The following KIAA1217 variants were observed in gnomAD, a reference collection of about 807,000 sequenced individuals.
KIAA1217 encodes the protein sickle tail protein homolog.
In KIAA1217, 88 loss-of-function variants were observed where a neutral mutation model predicts 163.9. The observed-to-expected ratio is 0.54, with a 90% CI of 0.45 to 0.64. KIAA1217 has a LOEUF of 0.64. Among genes scored for constraint, KIAA1217 ranks in the 30% least tolerant of loss-of-function variants. The pLI is 0.00. For missense variants in KIAA1217, 2,372 were observed against 2,475.0 expected (o/e 0.96, Z 0.88); for synonymous variants, 903 against 923.1 (o/e 0.98, Z 0.39).
At chr10:23,985,110 C>A (rs138826332) in intron 1 of KIAA1217, among the ~76,000 whole-genome samples, 2 of 152,150 alleles carry the variant, frequency 1.3e-5, no homozygotes, top group African/African-American at 4.8e-5. Flanking sequence ...CAGCTAAAAC[C>A]TTCTCTTAGA....
intron 2 of KIAA1217, among the ~76,000 whole-genome samples, chr10:24,356,901 C>T (rs982673880): frequency 6.6e-6 from 1 of 152,200 alleles, no homozygotes; most frequent in African/African-American, 2.4e-5. Context: ...CCATCTGTGT[C>T]TAAAGCAACT....
intron 2 of KIAA1217, among the ~76,000 whole-genome samples, chr10:24,274,706 C>G (rs1486371593): frequency 2.0e-5 from 3 of 152,036 alleles, no homozygotes; most frequent in African/African-American, 7.2e-5. Flanking sequence ...ACCTTTTTAT[C>G]AACCAATCAA....
At chr10:24,241,008 G>C (rs542860468) in intron 2 of KIAA1217, among the ~76,000 whole-genome samples, 6 of 152,034 alleles carry the variant, frequency 3.9e-5, no homozygotes, top group Non-Finnish European at 7.4e-5. Flanking sequence ...ACTGTGCCAG[G>C]CTAATTTTTT....
chr10:23,803,741 T>G (rs1424054107), intron 1 of KIAA1217, among the ~76,000 whole-genome samples: 1 of 152,224 alleles, frequency 6.6e-6, no homozygotes, highest in Non-Finnish European at 1.5e-5. Flanking sequence ...AGGATATCTA[T>G]TAAGTAAACT....
chr10:24,034,571 A>AAG (rs1423250933), intron 2 of KIAA1217, among the ~76,000 whole-genome samples: 1 of 151,628 alleles, frequency 6.6e-6, no homozygotes, highest in Non-Finnish European at 1.5e-5. Context: ...TCAAAAAAAA[A>AAG]AAAAAAAAAG....
intron 1 of KIAA1217, among the ~76,000 whole-genome samples, chr10:23,987,800 A>G (rs574516534): frequency 6.6e-6 from 1 of 152,084 alleles, no homozygotes; most frequent in Non-Finnish European, 1.5e-5. Flanking sequence ...AGCTCCTCTC[A>G]TCTTATTGTT....
intron 2 of KIAA1217, among the ~76,000 whole-genome samples, chr10:24,316,581 T>C (rs1454208036): frequency 6.6e-6 from 1 of 152,144 alleles, no homozygotes; most frequent in Non-Finnish European, 1.5e-5. Flanking sequence ...ACACCCCTAC[T>C]AGGAACACGA....
chr10:24,269,196 A>T (rs1255940652), intron 2 of KIAA1217, among the ~76,000 whole-genome samples: 11 of 149,108 alleles, frequency 7.4e-5, no homozygotes, highest in Admixed American at 2.7e-4. Flanking sequence ...GTACCCTAAA[A>T]GTTAAAGTAT....
chr10:24,489,249 A>C (rs1346608029), intron 6 of KIAA1217, among the ~76,000 whole-genome samples: 1 of 152,046 alleles, frequency 6.6e-6, no homozygotes, highest in Non-Finnish European at 1.5e-5. Context: ...TCAAAAAAAA[A>C]AAAAGTTCTA....
Position 24,381,737 on chromosome 10 carries a change from C to G in KIAA1217, c.553+670C>G, listed in dbSNP as rs78201594. Reference sequence around the variant, plus strand: ...TGACCGTAGAATGATCCTCTTCTCACCTTGCAACCCTCCTCTCCAGTCCCA... The same window carrying G: ...TGACCGTAGAATGATCCTCTTCTCAGCTTGCAACCCTCCTCTCCAGTCCCA... On this transcript the variant is annotated intron_variant, in intron 3 of 20. Transcript: ENST00000376454. Among the ~76,000 whole-genome samples the G allele has an allele frequency of 0.01, 1,583 of 152,298 alleles. 93 individuals carry two copies. The East Asian group carries it at 0.17, about 16-fold the overall frequency.
intron 2 of KIAA1217, among the ~76,000 whole-genome samples, chr10:24,372,029 T>G (rs2051725985): frequency 6.6e-6 from 1 of 152,152 alleles, no homozygotes; most frequent in Non-Finnish European, 1.5e-5. Context: ...AAGATGGCAA[T>G]AATAGACACT....
At chr10:24,287,126 C>G (rs771013633) in intron 2 of KIAA1217, among the ~76,000 whole-genome samples, 1 of 152,004 alleles carries the variant, frequency 6.6e-6, no homozygotes, top group African/African-American at 2.4e-5. Context: ...TCTCGGCTCA[C>G]TGCAACCTCC....
intron 2 of KIAA1217, among the ~76,000 whole-genome samples, chr10:24,037,446 C>T (rs1020435238): frequency 2.0e-5 from 3 of 152,166 alleles, no homozygotes; most frequent in Non-Finnish European, 4.4e-5. Context: ...GCCAAGATCG[C>T]ACCACTGCAC....
At chr10:23,896,108 A>T (rs1289967367) in intron 1 of KIAA1217, among the ~76,000 whole-genome samples, 3 of 151,934 alleles carry the variant, frequency 2.0e-5, no homozygotes, top group African/African-American at 4.8e-5. Context: ...TAACCTGCAC[A>T]TTGTGCCCAT....
At chr10:23,747,940 T>C (rs1839500899) in intron 1 of KIAA1217, among the ~76,000 whole-genome samples, 1 of 152,088 alleles carries the variant, frequency 6.6e-6, no homozygotes, top group Non-Finnish European at 1.5e-5. Context: ...TCCCCAGGAG[T>C]GACTGTTGTG....
chr10:24,235,961 C>T (rs2072197120), intron 2 of KIAA1217, among the ~76,000 whole-genome samples: 1 of 152,120 alleles, frequency 6.6e-6, no homozygotes, highest in Admixed American at 6.5e-5. Context: ...TAGTTAAGTA[C>T]AGGTGTTTTG....
At chr10:24,090,730 G>A (rs1022953876) in intron 2 of KIAA1217, among the ~76,000 whole-genome samples, 9 of 151,756 alleles carry the variant, frequency 5.9e-5, no homozygotes, top group South Asian at 2.1e-4. Flanking sequence ...CTTCACAATC[G>A]CAGAGCTGCT....
chr10:24,323,400 C>T (rs1222928752), intron 2 of KIAA1217, among the ~76,000 whole-genome samples: 1 of 152,192 alleles, frequency 6.6e-6, no homozygotes, highest in East Asian at 1.9e-4. Context: ...CCAAATCAGG[C>T]AAACCACAGT....
intron 6 of KIAA1217, among the ~76,000 whole-genome samples, chr10:24,477,122 G>T (rs921770896): frequency 5.9e-5 from 9 of 152,174 alleles, no homozygotes; most frequent in Non-Finnish European, 1.0e-4. Flanking sequence ...CCTCCTCCAA[G>T]GACAGCTCAG....
Sources: allele counts gnomAD v4.1 joint callset (sites outside exome capture counted in the v4.1 genomes callset), GRCh38; gene constraint gnomAD v4.1.1; transcripts MANE v1.5; gene names NCBI Gene and HGNC (gene_info 2026-07-23, HGNC 2026-07-21).